Variants in CSNK2A2IP observed in about 807,000 individuals in gnomAD.
CSNK2A2IP encodes casein kinase II subunit alpha'-interacting protein.
At chr3:88,441,799 A>G in the CSNK2A2IP span, among the ~76,000 whole-genome samples, 5 of 152,246 alleles carry the variant, frequency 3.3e-5, no homozygotes, top group African/African-American at 1.2e-4. Flanking sequence ...TTTTTATCCA[A>G]ATGCATTCTT....
At chr3:88,405,918 A>G in the CSNK2A2IP span, among the ~76,000 whole-genome samples, 1 of 152,160 alleles carries the variant, frequency 6.6e-6, no homozygotes, top group Non-Finnish European at 1.5e-5. Context: ...GCCATGTACT[A>G]GCCTTGTGAT....
the CSNK2A2IP span, among the ~76,000 whole-genome samples, chr3:88,456,627 T>A: frequency 6.7e-6 from 1 of 150,312 alleles, no homozygotes; most frequent in Non-Finnish European, 1.5e-5. Flanking sequence ...GATTATGTTA[T>A]CTGCAGAGAC....
chr3:88,439,468 G>A, the CSNK2A2IP span, among the ~76,000 whole-genome samples: 1 of 152,190 alleles, frequency 6.6e-6, no homozygotes, highest in East Asian at 1.9e-4. Flanking sequence ...AGTTGGCCAG[G>A]CGTGGTGGCT....
At chr3:88,444,852 T>A in the CSNK2A2IP span, among the ~76,000 whole-genome samples, 5 of 152,190 alleles carry the variant, frequency 3.3e-5, no homozygotes, top group African/African-American at 1.2e-4. Flanking sequence ...CCTTAATATG[T>A]CATGGTTTTC....
At chr3:88,444,864 A>G in the CSNK2A2IP span, among the ~76,000 whole-genome samples, 7 of 152,302 alleles carry the variant, frequency 4.6e-5, no homozygotes, top group Non-Finnish European at 1.0e-4. Flanking sequence ...ATGGTTTTCT[A>G]TAAGGTTCTT....
chr3:88,433,162 C>A, the CSNK2A2IP span, among the ~76,000 whole-genome samples: 356 of 152,072 alleles, frequency 2.3e-3, 1 homozygote, highest in African/African-American at 8.2e-3. Context: ...TAGCTGTTTT[C>A]TTTTATAAAT....
chr3:88,370,176 A>G, the CSNK2A2IP span, among the ~76,000 whole-genome samples: 2 of 151,898 alleles, frequency 1.3e-5, no homozygotes, highest in African/African-American at 4.8e-5. Flanking sequence ...CAGACAGGAG[A>G]CACTATGAAA....
At chr3:88,346,275 G>A in the CSNK2A2IP span, among the ~76,000 whole-genome samples, 5 of 152,168 alleles carry the variant, frequency 3.3e-5, no homozygotes, top group African/African-American at 1.2e-4. Flanking sequence ...TGCCAATGGA[G>A]AAGCTGCAGC....
At chr3:88,467,187 C>T in the CSNK2A2IP span, 16 of 400,690 alleles carry the variant, frequency 4.0e-5, no homozygotes, top group Non-Finnish European at 7.0e-5. Flanking sequence ...AATCCCTGCT[C>T]CCATCCACCT....
At chr3:88,406,550 G>A in the CSNK2A2IP span, among the ~76,000 whole-genome samples, 1 of 152,104 alleles carries the variant, frequency 6.6e-6, no homozygotes, top group Non-Finnish European at 1.5e-5. Flanking sequence ...TCAGATCTTA[G>A]GGAATGCTTT....
At chr3:88,426,131 TA>T in the CSNK2A2IP span, among the ~76,000 whole-genome samples, 1 of 152,208 alleles carries the variant, frequency 6.6e-6, no homozygotes, top group Non-Finnish European at 1.5e-5. Flanking sequence ...AAGGAATTTA[TA>T]AAACATTGTT....
chr3:88,443,829 A>G, the CSNK2A2IP span, among the ~76,000 whole-genome samples: 1 of 152,036 alleles, frequency 6.6e-6, no homozygotes, highest in Non-Finnish European at 1.5e-5. Context: ...TATTATTTTG[A>G]TATTATTTCC....
chr3:88,346,356 A>G, the CSNK2A2IP span, among the ~76,000 whole-genome samples: 1 of 152,142 alleles, frequency 6.6e-6, no homozygotes, highest in Admixed American at 6.6e-5. Flanking sequence ...TGTAAATGAA[A>G]CAGCTTCATA....
At chr3:88,344,569 T>C in the CSNK2A2IP span, among the ~76,000 whole-genome samples, 1 of 151,960 alleles carries the variant, frequency 6.6e-6, no homozygotes, top group African/African-American at 2.4e-5. Context: ...ATGGATTTGA[T>C]GTACCAATTT....
chr3:88,389,995 T>C, the CSNK2A2IP span, among the ~76,000 whole-genome samples: 1 of 152,190 alleles, frequency 6.6e-6, no homozygotes, highest in East Asian at 1.9e-4. Flanking sequence ...ACCCTCACAA[T>C]GGTCTGGAGA....
At chr3:88,418,322 A>G in the CSNK2A2IP span, among the ~76,000 whole-genome samples, 1 of 152,062 alleles carries the variant, frequency 6.6e-6, no homozygotes, top group Admixed American at 6.5e-5. Flanking sequence ...AACATATTGC[A>G]TGCCTGTCGG....
chr3:88,419,187 C>A, the CSNK2A2IP span, among the ~76,000 whole-genome samples: 2 of 152,094 alleles, frequency 1.3e-5, no homozygotes, highest in African/African-American at 4.8e-5. Flanking sequence ...ATAAAGTGCA[C>A]AATAAATGTA....
chr3:88,408,070 A>G, the CSNK2A2IP span, among the ~76,000 whole-genome samples: 3 of 152,202 alleles, frequency 2.0e-5, no homozygotes, highest in East Asian at 1.9e-4. Context: ...AAAATATACA[A>G]TAAAGCAGTA....
the CSNK2A2IP span, among the ~76,000 whole-genome samples, chr3:88,426,284 C>CTAA: frequency 1.6e-4 from 25 of 152,104 alleles, no homozygotes; most frequent in Non-Finnish European, 2.9e-5. Context: ...AAGTGACATT[C>CTAA]TAATGGTCCC....
Sources: gnomAD v4.1 joint callset for allele counts (sites outside exome capture counted in the v4.1 genomes callset) on GRCh38, gnomAD v4.1.1 for gene constraint, MANE v1.5 for transcripts, NCBI Gene and HGNC (gene_info 2026-07-23, HGNC 2026-07-21) for gene names.